PITPNM2: variants seen among roughly 807,000 people sequenced by gnomAD.
PITPNM2 encodes the protein phosphatidylinositol transfer protein membrane associated 2.
A neutral mutation model predicts 132.2 loss-of-function variants in PITPNM2; 35 were observed. The ratio of observed to expected loss-of-function variants is 0.26; its 90% CI spans 0.20 to 0.35. The LOEUF is 0.35. Among genes scored for constraint, PITPNM2 ranks in the 10% least tolerant of loss-of-function variants. PITPNM2 has a pLI of 1.00. For synonymous variants in PITPNM2, 738 were observed against 799.2 expected, an observed-to-expected ratio of 0.92 and a Z score of 1.29; for missense variants, 1,332 against 1,912.0, an observed-to-expected ratio of 0.70 and a Z score of 5.66.
upstream of PITPNM2, among the ~76,000 whole-genome samples, chr12:123,151,144 C>T (rs1454014861): frequency 6.8e-6 from 1 of 146,656 alleles, no homozygotes; most frequent in Non-Finnish European, 1.5e-5. Context: ...GGCGCCTCCT[C>T]AGGCCGCGCG....
At chr12:123,069,249 A>T (rs2041547322) in intron 2 of PITPNM2, among the ~76,000 whole-genome samples, 1 of 145,720 alleles carries the variant, frequency 6.9e-6, no homozygotes, top group Non-Finnish European at 1.5e-5. Context: ...CTACTCTCTA[A>T]AAAAAAAAAA....
chr12:123,113,568 G>T (rs138503744), intron 1 of PITPNM2, among the ~76,000 whole-genome samples: 1 of 152,208 alleles, frequency 6.6e-6, no homozygotes, highest in Non-Finnish European at 1.5e-5. Context: ...GGGTGTAGTG[G>T]CACATGCCTG....
intron 3 of PITPNM2, among the ~76,000 whole-genome samples, chr12:123,015,862 G>A (rs766461070): frequency 9.3e-4 from 141 of 152,056 alleles, no homozygotes; most frequent in Non-Finnish European, 1.1e-3. Flanking sequence ...ATCTGATAAG[G>A]GACTTGTATC....
chr12:123,121,253 G>A (rs558643297), intron 1 of PITPNM2, among the ~76,000 whole-genome samples: 18 of 152,324 alleles, frequency 1.2e-4, no homozygotes, highest in East Asian at 5.8e-4. Context: ...ACACACCTGC[G>A]ATCCCAACAC....
intron 1 of PITPNM2, among the ~76,000 whole-genome samples, chr12:123,147,954 A>C (rs2043651898): frequency 6.6e-6 from 1 of 152,232 alleles, no homozygotes; most frequent in South Asian, 2.1e-4. Context: ...TTATCAAAGG[A>C]GAAAGCAACC....
chr12:123,092,126 G>C (rs766678499), intron 2 of PITPNM2: 7 of 152,226 alleles, frequency 4.6e-5, no homozygotes, highest in Non-Finnish European at 7.3e-5. Flanking sequence ...GAGTGGGTAC[G>C]ACAGGCCCCA....
intron 10 of PITPNM2, among the ~76,000 whole-genome samples, chr12:122,998,980 G>A (rs1330542356): frequency 6.6e-6 from 1 of 152,136 alleles, no homozygotes; most frequent in Non-Finnish European, 1.5e-5. Context: ...GCATGGTTGT[G>A]CACATCTGTA....
chr12:123,016,225 C>G (rs1308275380), intron 3 of PITPNM2, among the ~76,000 whole-genome samples: 1 of 151,928 alleles, frequency 6.6e-6, no homozygotes, highest in Non-Finnish European at 1.5e-5. Context: ...ACTCGGGAGG[C>G]TGAGGTAGGA....
Position 122,987,450 on chromosome 12 carries a change from C to G in PITPNM2, c.3264-20G>C. The G allele has an allele frequency of 6.2e-7, 1 of 1,613,108 alleles. No homozygotes were observed. The highest frequency in any genetic ancestry group is 8.5e-7 in the Non-Finnish European group (1 of 1,179,418). On this transcript the variant is annotated intron_variant, in intron 22 of 25. Transcript: ENST00000320201. ...TCTCCCCTGGCAGGTGGTGGGGGTG[C>G]TCATCAGAACCACCCAGAGCCTCGC...
At chr12:123,137,902 A>AGAAG (rs61411333) in intron 1 of PITPNM2, among the ~76,000 whole-genome samples, 1 of 150,368 alleles carries the variant, frequency 6.7e-6, no homozygotes, top group South Asian at 2.1e-4. Context: ...CAAAAAAAAA[A>AGAAG]AAAAAGAAGA....
At position 122,994,250 on chromosome 12, in the gene PITPNM2, G is replaced by A. The variant is rs2038322501; in HGVS notation, c.2233+551C>T. Among the ~76,000 whole-genome samples the A allele has an allele frequency of 6.6e-6, 1 of 152,256 alleles. No individual in the cohort carries two copies. The highest frequency in any genetic ancestry group is 6.5e-5 in the Admixed American group (1 of 15,292). On this transcript the variant is annotated intron_variant, in intron 15 of 25. Transcript: ENST00000320201. The surrounding 1 kb of genome is among the most constrained non-coding windows in gnomAD (Gnocchi z 5.4). ...CAGTTTCCCCCTCTGTCATCTGGGAGTGTAACATGTGTTGCTACTCTCAGG... is the reference window on the plus strand; with the variant it reads ...CAGTTTCCCCCTCTGTCATCTGGGAATGTAACATGTGTTGCTACTCTCAGG...
At chr12:123,030,336 A>T (rs1212760305) in intron 3 of PITPNM2, among the ~76,000 whole-genome samples, 2 of 152,212 alleles carry the variant, frequency 1.3e-5, no homozygotes, top group African/African-American at 4.8e-5. Context: ...GCAGACATCA[A>T]GCATAGCGTC....
Position 123,000,848 on chromosome 12 carries a change from T to A in PITPNM2, c.1154A>T (p.Asp385Val), listed in dbSNP as rs200949918. Residue 385 changes from aspartate (D) to valine (V), a missense_variant and splice_region_variant, in exon 10 of 26, where the codon GAT becomes GTT. By Grantham distance (152) the Asp-to-Val change is radical (BLOSUM62 -3). Coordinates refer to ENST00000320201, the MANE Select transcript of PITPNM2 (RefSeq NM_020845.3). The surrounding 1 kb of genome is among the most constrained non-coding windows in gnomAD (Gnocchi z 5.4). ...AGGGGCACCCTGGCGGTACAGACCATCTGCAAAGACACAGAAGCCGTGCTG... is the reference window on the plus strand; with the variant it reads ...AGGGGCACCCTGGCGGTACAGACCAACTGCAAAGACACAGAAGCCGTGCTG... ...IESPEPEDTQ[D>V]GLYRQGAPEF... The A allele has an allele frequency of 7.4e-6, 12 of 1,613,910 alleles. No homozygotes were observed.
chr12:123,046,615 C>G (rs1490686901), intron 2 of PITPNM2, among the ~76,000 whole-genome samples: 1 of 152,144 alleles, frequency 6.6e-6, no homozygotes. Context: ...TGCCCCAGCC[C>G]CTGGCACCCA....
rs991255111 is a variant in PITPNM2, at chr12:123,009,831, C to T, written c.643+19G>A. On this transcript the variant is annotated intron_variant, in intron 6 of 25. Coordinates refer to ENST00000320201, the MANE Select transcript of PITPNM2 (RefSeq NM_020845.3). The surrounding 1 kb of genome is among the most constrained non-coding windows in gnomAD (Gnocchi z 4.8). Reference sequence around the variant, plus strand: ...GTTGGGTAGCCCAGCCACTGCCCACCTGGCATGGGTGTGCTCACCGGTGTC... The same window carrying T: ...GTTGGGTAGCCCAGCCACTGCCCACTTGGCATGGGTGTGCTCACCGGTGTC... 15 of 1,610,298 alleles carry T rather than the reference C, an allele frequency of 9.3e-6. No homozygotes were observed. The highest frequency in any genetic ancestry group is 1.1e-5 in the Non-Finnish European group (13 of 1,176,738).
chr12:123,018,644 T>G, intron 3 of PITPNM2, among the ~76,000 whole-genome samples: 1 of 152,252 alleles, frequency 6.6e-6, no homozygotes, highest in South Asian at 2.1e-4. Context: ...GAATGGAGTC[T>G]CACTATGTTG....
intron 2 of PITPNM2, among the ~76,000 whole-genome samples, chr12:123,105,023 T>C (rs1285941307): frequency 6.6e-6 from 1 of 152,148 alleles, no homozygotes; most frequent in Non-Finnish European, 1.5e-5. Context: ...CAATATTCTC[T>C]GACCTCCTCC....
Position 122,991,910 on chromosome 12 carries a change from C to T in PITPNM2, c.2404+589G>A, listed in dbSNP as rs761905928. ...CTGCACGGTCTCGACTGGAGGCAGA[C>T]GGGGAGAGAACAGAGGACAAGAACA... On this transcript the variant is annotated intron_variant, in intron 16 of 25. Transcript: ENST00000320201. 1.1e-4 allele frequency: 138 copies of T among 1,308,082 alleles called. 1 individual carries two copies. Among genetic ancestry groups the T allele is most frequent in the Non-Finnish European group, 1.3e-4 (130 of 1,027,782 alleles). 81.0% of individuals were successfully genotyped at this position (1,308,082 alleles called of 1,614,324 possible). A position where few individuals can be genotyped will look rare whatever the true frequency, so the allele number is the denominator to read the frequency against.
At chr12:122,991,710 C>G in intron 16 of PITPNM2, 1 of 1,292,502 alleles carries the variant, frequency 7.7e-7, no homozygotes, top group Non-Finnish European at 9.8e-7. Flanking sequence ...AGGACCAGGT[C>G]AACCAACGAA....
Sources: allele counts gnomAD v4.1 joint callset (sites outside exome capture counted in the v4.1 genomes callset), GRCh38; gene constraint gnomAD v4.1.1; non-coding constraint Gnocchi (gnomAD v3.1); transcripts MANE v1.5; gene names NCBI Gene and HGNC (gene_info 2026-07-23, HGNC 2026-07-21).